FSHR: variants seen among roughly 807,000 people sequenced by gnomAD.
FSHR encodes the protein follicle stimulating hormone receptor.
FSHR carries 46 observed loss-of-function variants against 52.1 expected under a neutral mutation model. The ratio of observed to expected loss-of-function variants is 0.88; its 90% CI spans 0.70 to 1.13. The LOEUF is 1.13. Among genes scored for constraint, FSHR ranks in the 50% most tolerant of loss-of-function variants. The pLI is 0.00. For synonymous variants in FSHR, 399 were observed against 309.6 expected, an observed-to-expected ratio of 1.29 and a Z score of -3.03; for missense variants, 964 against 834.6, an observed-to-expected ratio of 1.16 and a Z score of -1.91.
chr2:49,134,918 G>A (rs1197110954), intron 1 of FSHR, among the ~76,000 whole-genome samples: 2 of 152,120 alleles, frequency 1.3e-5, no homozygotes, highest in African/African-American at 4.8e-5. Context: ...ACTGTTGTGG[G>A]GTGGGAGGAT....
chr2:49,068,193 C>A (rs373563478), intron 2 of FSHR, 26 bp downstream of exon 2: 2 of 1,582,336 alleles, frequency 1.3e-6, no homozygotes, highest in East Asian at 4.5e-5. Context: ...TTGAGGCATT[C>A]ACTCACAGCA....
chr2:48,990,512 G>C, intron 5 of FSHR, 54 bp downstream of exon 5: 2 of 1,151,008 alleles, frequency 1.7e-6, no homozygotes, highest in Non-Finnish European at 2.6e-6. Flanking sequence ...GATAGCCGTT[G>C]GGCAAGACAG....
intron 2 of FSHR, among the ~76,000 whole-genome samples, chr2:49,029,469 AT>A (rs910077480): frequency 2.0e-5 from 3 of 152,208 alleles, no homozygotes; most frequent in African/African-American, 7.2e-5. Flanking sequence ...GCAAAGCTGC[AT>A]TTGGAAAGGT....
chr2:49,144,306 T>A (rs1672793162), intron 1 of FSHR, among the ~76,000 whole-genome samples: 3 of 152,194 alleles, frequency 2.0e-5, no homozygotes, highest in Admixed American at 2.0e-4. Flanking sequence ...CTATTGTTGC[T>A]CTTCTTCCTC....
At chr2:49,138,403 A>G (rs1457011116) in intron 1 of FSHR, among the ~76,000 whole-genome samples, 2 of 152,220 alleles carry the variant, frequency 1.3e-5, no homozygotes, top group Non-Finnish European at 2.9e-5. Flanking sequence ...CTTGTACACA[A>G]ATGTTTAAAA....
At position 49,154,455 on chromosome 2, in the gene FSHR, G is replaced by T; in HGVS notation, c.-38C>A. The T allele has an allele frequency of 1.2e-6, 2 of 1,609,466 alleles. No individual in the cohort carries two copies. The highest frequency in any genetic ancestry group is 1.7e-6 in the Non-Finnish European group (2 of 1,178,030). ...ATCCACCTGATTTCTTCCTGCATTT[G>T]CAGAGAAAAACCTCCACAGATCTCA... On this transcript the variant is annotated 5_prime_UTR_variant, in exon 1 of 10. Coordinates refer to ENST00000406846, the MANE Select transcript of FSHR (RefSeq NM_000145.4).
intron 1 of FSHR, among the ~76,000 whole-genome samples, chr2:49,129,695 GT>G (rs1277065451): frequency 1.3e-5 from 2 of 152,064 alleles, no homozygotes; most frequent in Non-Finnish European, 2.9e-5. Context: ...ATAGAGCTGT[GT>G]TTTCAAATAT....
At chr2:49,057,039 C>A (rs1483678286) in intron 2 of FSHR, among the ~76,000 whole-genome samples, 1 of 151,780 alleles carries the variant, frequency 6.6e-6, no homozygotes, top group Non-Finnish European at 1.5e-5. Flanking sequence ...TATCAGTAAA[C>A]CCCTATATGA....
intron 4 of FSHR, among the ~76,000 whole-genome samples, chr2:49,013,875 A>G (rs1667383059): frequency 6.6e-6 from 1 of 152,128 alleles, no homozygotes. Flanking sequence ...TAAGATCATC[A>G]GGGCAAGACC....
chr2:49,063,909 A>T (rs1033325001), intron 2 of FSHR, among the ~76,000 whole-genome samples: 11 of 152,196 alleles, frequency 7.2e-5, no homozygotes, highest in African/African-American at 1.9e-4. Context: ...CCCAATGTAT[A>T]TATGTATCAA....
intron 1 of FSHR, among the ~76,000 whole-genome samples, chr2:49,107,022 C>A (rs1671246740): frequency 6.6e-6 from 1 of 152,104 alleles, no homozygotes; most frequent in African/African-American, 2.4e-5. Flanking sequence ...TATCTAAAGA[C>A]AACTTTCTAA....
In FSHR at chr2:48,982,930, G is replaced by C. The variant is rs757886852; in HGVS notation, c.650C>G (p.Ala217Gly). 1.2e-6 allele frequency: 2 copies of C among 1,613,750 alleles called. No homozygotes were observed. The highest frequency in any genetic ancestry group is 1.7e-6 in the Non-Finnish European group (2 of 1,179,662). ...EELPNDVFHG[A>G]SGPVILDISR... Reference sequence around the variant, plus strand: ...TACTCACAGAATGACTGGTCCAGAGGCTCCGTGGAAAACATCATTAGGCAA... The same window carrying C: ...TACTCACAGAATGACTGGTCCAGAGCCTCCGTGGAAAACATCATTAGGCAA... Residue 217 changes from alanine to glycine, a missense_variant, in exon 8 of 10, where the codon GCC becomes GGC. By Grantham distance (60) the Ala-to-Gly change is moderately conservative. Coordinates refer to ENST00000406846, the MANE Select transcript of FSHR (RefSeq NM_000145.4).
chr2:49,035,735 C>G (rs1034235941), intron 2 of FSHR, among the ~76,000 whole-genome samples: 1 of 152,218 alleles, frequency 6.6e-6, no homozygotes, highest in African/African-American at 2.4e-5. Flanking sequence ...GTCAAAACCA[C>G]TCATGGGTGC....
At chr2:49,055,717 G>C (rs187550133) in intron 2 of FSHR, among the ~76,000 whole-genome samples, 1 of 152,020 alleles carries the variant, frequency 6.6e-6, no homozygotes, top group East Asian at 1.9e-4. Flanking sequence ...AGATTTCTTA[G>C]CACAAACATT....
At chr2:49,039,188 C>G (rs1365006230) in intron 2 of FSHR, among the ~76,000 whole-genome samples, 1 of 152,118 alleles carries the variant, frequency 6.6e-6, no homozygotes. Context: ...GATTCTTTTT[C>G]TCTGGGAAAC....
At chr2:49,008,444 T>G (rs1417451022) in intron 4 of FSHR, among the ~76,000 whole-genome samples, 7 of 151,904 alleles carry the variant, frequency 4.6e-5, no homozygotes, top group East Asian at 3.9e-4. Flanking sequence ...CATTTGGGTT[T>G]GTTCCAAGTC....
chr2:49,072,983 G>T (rs1443071933), intron 1 of FSHR, among the ~76,000 whole-genome samples: 1 of 151,994 alleles, frequency 6.6e-6, no homozygotes, highest in Non-Finnish European at 1.5e-5. Flanking sequence ...AAATTCAAAA[G>T]GTATGTGCAC....
chr2:49,059,309 G>A (rs1159985050), intron 2 of FSHR, among the ~76,000 whole-genome samples: 4 of 151,964 alleles, frequency 2.6e-5, no homozygotes, highest in Admixed American at 1.3e-4. Context: ...CATCCTGCAT[G>A]GCCAAAGTAA....
At chr2:49,037,733 GAT>G (rs1668320712) in intron 2 of FSHR, among the ~76,000 whole-genome samples, 1 of 152,142 alleles carries the variant, frequency 6.6e-6, no homozygotes, top group Non-Finnish European at 1.5e-5. Flanking sequence ...AATCACTCAT[GAT>G]ATTGCTCACA....
Sources: gnomAD v4.1 joint callset for allele counts (sites outside exome capture counted in the v4.1 genomes callset) on GRCh38, gnomAD v4.1.1 for gene constraint, MANE v1.5 for transcripts, NCBI Gene and HGNC (gene_info 2026-07-23, HGNC 2026-07-21) for gene names.